The following CAMKV variants were observed in gnomAD, a reference collection of about 807,000 sequenced individuals.
CAMKV encodes the protein caM kinase-like vesicle-associated protein.
CAMKV carries 5 observed loss-of-function variants against 50.2 expected under a neutral mutation model. The ratio of observed to expected loss-of-function variants is 0.10; its 90% confidence interval spans 0.05 to 0.21. The LOEUF (loss-of-function observed/expected upper bound fraction) is 0.21. Among genes scored for constraint, CAMKV ranks in the 10% least tolerant of loss-of-function variants. The pLI, the probability that CAMKV is intolerant of heterozygous loss-of-function variation, is 1.00. For synonymous variants in CAMKV, 229 were observed against 250.1 expected (o/e 0.92, Z 0.80); for missense variants, 361 against 650.5 (o/e 0.55, Z 4.84).
At chr3:49,864,354 G>A (rs1474481850) in intron 1 of CAMKV, among the ~76,000 whole-genome samples, 3 of 152,250 alleles carry the variant, frequency 2.0e-5, no homozygotes, top group African/African-American at 4.8e-5. Flanking sequence ...TGCCCACTGG[G>A]GCCCACAGGG....
At position 49,862,675 on chromosome 3, in the gene CAMKV, CA is replaced by C. The variant is rs545386713; in HGVS notation, c.-14-274del. 3.2e-4 allele frequency among the ~76,000 whole-genome samples: 49 copies of C among 151,624 alleles called. No homozygotes were observed. The highest frequency in any genetic ancestry group is 8.9e-4 in the African/African-American group (37 of 41,414). On this transcript the variant is annotated intron_variant, in intron 1 of 10. Transcript: ENST00000477224. This position sits in a 1 kb window ranked among gnomAD's most constrained non-coding sequence, Gnocchi z 5.2. ...GGAATAGTTTTGTATTCTATACATT[CA>C]AAAAAAAGGCTTATCAAACAGTTTA...
At chr3:49,868,843 G>A (rs2108335634) in intron 1 of CAMKV, among the ~76,000 whole-genome samples, 1 of 152,338 alleles carries the variant, frequency 6.6e-6, no homozygotes, top group East Asian at 1.9e-4. Context: ...AGCTTTTAGT[G>A]TGGGACAGAG....
Position 49,861,027 on chromosome 3 carries a change from A to G in CAMKV, c.563-9T>C. ...GCCTACCACCTCTGGGGCTACAAAC[A>G]CAGCGCCCATCTGCTGGTCAGTATC... On this transcript the variant is annotated splice_polypyrimidine_tract_variant and intron_variant, in intron 6 of 10. Transcript: ENST00000477224. The surrounding 1 kb of genome is among the most constrained non-coding windows in gnomAD (Gnocchi z 7.7). 1 of 1,613,934 alleles carries G rather than the reference A, an allele frequency of 6.2e-7. No homozygotes were observed. The highest frequency in any genetic ancestry group is 1.1e-5 in the South Asian group (1 of 91,084).
chr3:49,867,879 G>A (rs1163433993), intron 1 of CAMKV, among the ~76,000 whole-genome samples: 1 of 152,222 alleles, frequency 6.6e-6, no homozygotes, highest in Non-Finnish European at 1.5e-5. Flanking sequence ...GAGTTCTGAA[G>A]GGGGCGGATG....
chr3:49,867,790 C>A (rs926326801), intron 1 of CAMKV, among the ~76,000 whole-genome samples: 2 of 152,094 alleles, frequency 1.3e-5, no homozygotes, highest in Middle Eastern at 3.4e-3. Context: ...AAAGACAGAA[C>A]CTGTGATGGA....
chr3:49,862,496 C>T lies in CAMKV; in HGVS notation c.-14-94G>A. 4.7e-6 allele frequency: 5 copies of T among 1,063,870 alleles called. No individual in the cohort carries two copies. The highest frequency in any genetic ancestry group is 7.2e-6 in the Non-Finnish European group (5 of 690,154). 65.9% of individuals were successfully genotyped at this position (1,063,870 alleles called of 1,614,324 possible). A position where few individuals can be genotyped will look rare whatever the true frequency, so the allele number is the denominator to read the frequency against. ...TGGGAGACCCCAACCTGGCTCAGGC[C>T]AAGCTAGGGGCAGAGACCATACCAG... On this transcript the variant is annotated intron_variant, in intron 1 of 10. Transcript: ENST00000477224. This position sits in a 1 kb window ranked among gnomAD's most constrained non-coding sequence, Gnocchi z 5.2.
rs915160781 is a variant in CAMKV at position 49,860,653 on chromosome 3, G to A, written c.775+63C>T. The A allele has an allele frequency of 6.2e-7, 1 of 1,611,830 alleles. No individual in the cohort carries two copies. Among genetic ancestry groups the A allele is most frequent in the Non-Finnish European group, 8.5e-7 (1 of 1,178,190 alleles). On this transcript the variant is annotated intron_variant, in intron 8 of 10. Coordinates refer to ENST00000477224, the MANE Select transcript of CAMKV (RefSeq NM_024046.5). The surrounding 1 kb of genome is among the most constrained non-coding windows in gnomAD (Gnocchi z 6.1). ...GAAGCAGAATACCACAGAGGAAGAT[G>A]AGAGCAGGACACCCTCCCCACTCCC...
chr3:49,869,386 G>A lies in CAMKV; in HGVS notation c.-15+372C>T, dbSNP rs1002232592. On this transcript the variant is annotated intron_variant, in intron 1 of 10. Coordinates refer to ENST00000477224, the MANE Select transcript of CAMKV (RefSeq NM_024046.5). The surrounding 1 kb of genome is among the most constrained non-coding windows in gnomAD (Gnocchi z 5.2). ...TCATGGAAATTAGTGACTGCTAAGC[G>A]GGAGGGAAGGGGCCCGGGGACAGTT... Among the ~76,000 whole-genome samples, 16 of 152,294 alleles carry A rather than the reference G, an allele frequency of 1.1e-4. No individual in the cohort carries two copies. Among genetic ancestry groups the A allele is most frequent in the East Asian group, 7.7e-4 (4 of 5,170 alleles).
In CAMKV at chr3:49,859,720, A is replaced by G. The variant is rs2082004829; in HGVS notation, c.1104T>C (p.Gly368=). The G allele has an allele frequency of 6.2e-7, 1 of 1,601,058 alleles. No individual in the cohort carries two copies. The highest frequency in any genetic ancestry group is 1.7e-5 in the Admixed American group (1 of 59,668). Reference sequence around the variant, plus strand: ...CACTCTTTGCAGCACGAGCAGCATCACCCTCAGGGGCTGAGGTAGCTCCAC... The same window carrying G: ...CACTCTTTGCAGCACGAGCAGCATCGCCCTCAGGGGCTGAGGTAGCTCCAC... ...AASGATSAPE[G]DAARAAKSDN... Residue 368 remains glycine, a synonymous_variant, in exon 11 of 11, where the codon GGT becomes GGC. Transcript: ENST00000477224. This position sits in a 1 kb window ranked among gnomAD's most constrained non-coding sequence, Gnocchi z 5.5.
chr3:49,860,441 C>T lies in CAMKV; in HGVS notation c.854+30G>A. ...TGCTGGGTGTGAGGGGGACCCTGGC[C>T]TCTCCCACCCTCCCCTGGACCCTGC... On this transcript the variant is annotated intron_variant, in intron 9 of 10. Coordinates refer to ENST00000477224, the MANE Select transcript of CAMKV (RefSeq NM_024046.5). This position sits in a 1 kb window ranked among gnomAD's most constrained non-coding sequence, Gnocchi z 6.1. 2 of 1,608,142 alleles carry T rather than the reference C, an allele frequency of 1.2e-6. No homozygotes were observed. The highest frequency in any genetic ancestry group is 1.3e-5 in the African/African-American group (1 of 74,894).
At chr3:49,865,746 C>CT (rs2082059108) in intron 1 of CAMKV, among the ~76,000 whole-genome samples, 1 of 152,224 alleles carries the variant, frequency 6.6e-6, no homozygotes, top group Admixed American at 6.5e-5. Flanking sequence ...CAAAACAATC[C>CT]TGATGCTCGA....
Position 49,860,093 on chromosome 3 carries a change from G to T in CAMKV, c.942+78C>A. Reference sequence around the variant, plus strand: ...AGAAAAGCTTGTGTGTGGCTGCAGGGGTGTGATGCAGGCAAGAAACTGAGT... The same window carrying T: ...AGAAAAGCTTGTGTGTGGCTGCAGGTGTGTGATGCAGGCAAGAAACTGAGT... On this transcript the variant is annotated intron_variant, in intron 10 of 10. Transcript: ENST00000477224. This position sits in a 1 kb window ranked among gnomAD's most constrained non-coding sequence, Gnocchi z 6.1. 7.7e-7 allele frequency: 1 copy of T among 1,298,248 alleles called. No individual in the cohort carries two copies. Among genetic ancestry groups the T allele is most frequent in the Non-Finnish European group, 1.1e-6 (1 of 894,530 alleles). The allele number at this position is 1,298,248 out of a possible 1,614,324, so 80.4% of individuals were successfully genotyped here. A position where few individuals can be genotyped will look rare whatever the true frequency, so the allele number is the denominator to read the frequency against.
At position 49,859,072 on chromosome 3, in the gene CAMKV, C is replaced by A; in HGVS notation, c.*246G>T. ...AGAAACTGGTGAAGCTAGCAAAAGA[C>A]AGAAAAGCCACAAGGAATCCATGCA... is the stretch of plus-strand genomic sequence containing the variant. On this transcript the variant is annotated 3_prime_UTR_variant, in exon 11 of 11. Coordinates refer to ENST00000477224, the MANE Select transcript of CAMKV (RefSeq NM_024046.5). The surrounding 1 kb of genome is among the most constrained non-coding windows in gnomAD (Gnocchi z 5.5). 2.3e-6 allele frequency: 1 copy of A among 438,198 alleles called. No homozygotes were observed. Among genetic ancestry groups the A allele is most frequent in the Non-Finnish European group, 4.0e-6 (1 of 248,336 alleles). 27.1% of individuals were successfully genotyped at this position (438,198 alleles called of 1,614,324 possible). A position where few individuals can be genotyped will look rare whatever the true frequency, so the allele number is the denominator to read the frequency against.
Position 49,860,059 on chromosome 3 carries a change from G to T in CAMKV, c.942+112C>A. 8.8e-7 allele frequency: 1 copy of T among 1,131,280 alleles called. No individual in the cohort carries two copies. The highest frequency in any genetic ancestry group is 1.3e-6 in the Non-Finnish European group (1 of 759,762). 70.1% of individuals were successfully genotyped at this position (1,131,280 alleles called of 1,614,324 possible). A position where few individuals can be genotyped will look rare whatever the true frequency, so the allele number is the denominator to read the frequency against. On this transcript the variant is annotated intron_variant, in intron 10 of 10. Coordinates refer to ENST00000477224, the MANE Select transcript of CAMKV (RefSeq NM_024046.5). This position sits in a 1 kb window ranked among gnomAD's most constrained non-coding sequence, Gnocchi z 6.1. ...AATCACAGTGGCTACACCCACACCT[G>T]ATGGCCTGAGAAAAGCTTGTGTGTG...
chr3:49,865,771 A>T (rs1284245937), intron 1 of CAMKV, among the ~76,000 whole-genome samples: 1 of 152,248 alleles, frequency 6.6e-6, no homozygotes, highest in East Asian at 1.9e-4. Flanking sequence ...CAGACTCAAA[A>T]TGGCCCTTTT....
chr3:49,864,556 C>T (rs920574025), intron 1 of CAMKV, among the ~76,000 whole-genome samples: 5 of 152,210 alleles, frequency 3.3e-5, no homozygotes, highest in African/African-American at 1.2e-4. Context: ...GCACTCATAG[C>T]CCATGCTCAA....
At chr3:49,863,851 G>C (rs2082043780) in intron 1 of CAMKV, among the ~76,000 whole-genome samples, 2 of 151,446 alleles carry the variant, frequency 1.3e-5, no homozygotes, top group South Asian at 4.2e-4. Flanking sequence ...TGTAGATACA[G>C]GATTTCATTA....
rs565945047 is a variant in CAMKV, at chr3:49,866,946, G to A, written c.-15+2812C>T. On this transcript the variant is annotated intron_variant, in intron 1 of 10. Coordinates refer to ENST00000477224, the MANE Select transcript of CAMKV (RefSeq NM_024046.5). ...TCCTGCTACCTTGGTCCCCTGCCACGTGGGGCTCCAGAGCTTGCAGTAAAT... is the reference window on the plus strand; with the variant it reads ...TCCTGCTACCTTGGTCCCCTGCCACATGGGGCTCCAGAGCTTGCAGTAAAT... Among the ~76,000 whole-genome samples the A allele has an allele frequency of 6.6e-5, 10 of 152,330 alleles. No homozygotes were observed. In the South Asian group the frequency reaches 1.2e-3, roughly 19 times the overall value.
At chr3:49,863,207 G>A (rs1349059491) in intron 1 of CAMKV, among the ~76,000 whole-genome samples, 1 of 152,134 alleles carries the variant, frequency 6.6e-6, no homozygotes, top group African/African-American at 2.4e-5. Flanking sequence ...CCCGTAAGGG[G>A]GATACAAACA....
Sources: gnomAD v4.1 joint callset for allele counts (sites outside exome capture counted in the v4.1 genomes callset) on GRCh38, gnomAD v4.1.1 for gene constraint, Gnocchi (gnomAD v3.1) non-coding constraint, MANE v1.5 for transcripts, NCBI Gene and HGNC (gene_info 2026-07-23, HGNC 2026-07-21) for gene names.